The following KAZN variants were observed in gnomAD, a reference collection of about 807,000 sequenced individuals.
KAZN encodes kazrin, periplakin interacting protein, also known as kazrin.
In KAZN, 40 loss-of-function variants were observed where a neutral mutation model predicts 87.4. That is an observed-to-expected ratio of 0.46 (90% CI 0.36 to 0.60). The LOEUF (loss-of-function observed/expected upper bound fraction) is 0.60. KAZN is among the 20% of genes least tolerant of loss of function. KAZN has a pLI of 0.00. For missense variants in KAZN, 898 were observed against 1,073.9 expected, an observed-to-expected ratio of 0.84 and a Z score of 2.29; for synonymous variants, 466 against 458.3, an observed-to-expected ratio of 1.02 and a Z score of -0.22.
In KAZN at chr1:14,664,740, G is replaced by A. The variant is rs545636734; in HGVS notation, c.226+65517G>A. On this transcript the variant is annotated intron_variant, in intron 1 of 14. Coordinates refer to ENST00000376030, the MANE Select transcript of KAZN (RefSeq NM_201628.3). ...GTGATCTCGGCTCACTGCAAGCTCC[G>A]CCTCCCAGGTTCACGGTATTCTCCT... is the stretch of plus-strand genomic sequence containing the variant. Among the ~76,000 whole-genome samples the A allele has an allele frequency of 1.2e-4, 17 of 143,832 alleles. No individual in the cohort carries two copies. In the South Asian group the frequency reaches 2.0e-3, roughly 17 times the overall value. The allele number at this position is 143,832 out of a possible 152,430, so 94.4% of individuals were successfully genotyped here. A position where few individuals can be genotyped will look rare whatever the true frequency, so the allele number is the denominator to read the frequency against.
chr1:14,181,248 G>C (rs1646191727), intron 2 of KAZN, among the ~76,000 whole-genome samples: 1 of 152,220 alleles, frequency 6.6e-6, no homozygotes, highest in South Asian at 2.1e-4. Flanking sequence ...AACTGAGCTA[G>C]ATCTAATTGT....
intron 8 of KAZN, among the ~76,000 whole-genome samples, chr1:15,069,378 A>C: frequency 6.6e-6 from 1 of 152,354 alleles, no homozygotes; most frequent in African/African-American, 2.4e-5. Flanking sequence ...ACTTTGGCCC[A>C]GAGAGGAATG....
chr1:14,324,138 T>C (rs1246513432), intron 2 of KAZN, among the ~76,000 whole-genome samples: 1 of 152,208 alleles, frequency 6.6e-6, no homozygotes, highest in East Asian at 1.9e-4. Flanking sequence ...CCTCCCACTG[T>C]AACCACAGGT....
intron 2 of KAZN, among the ~76,000 whole-genome samples, chr1:14,199,794 T>TC (rs1176460339): frequency 6.6e-6 from 1 of 152,176 alleles, no homozygotes; most frequent in Non-Finnish European, 1.5e-5. Flanking sequence ...TAGCATTTTT[T>TC]CCCTCTGCTT....
intron 1 of KAZN, among the ~76,000 whole-genome samples, chr1:13,944,233 G>A (rs1442247043): frequency 1.3e-5 from 2 of 152,228 alleles, no homozygotes; most frequent in African/African-American, 2.4e-5. Flanking sequence ...ATAGATGAAC[G>A]TTGAAAATAG....
intron 1 of KAZN, among the ~76,000 whole-genome samples, chr1:14,149,032 AGCCT>A (rs1168671093): frequency 6.7e-6 from 1 of 149,118 alleles, no homozygotes; most frequent in African/African-American, 2.5e-5. Flanking sequence ...TTCCACATAC[AGCCT>A]GCCTGCCTGC....
At position 14,883,346 on chromosome 1, in the gene KAZN, G is replaced by GAGAGAGAGAA. The variant is rs1557586213; in HGVS notation, c.227-77337_227-77336insGAGAGAGAAA. 9.2e-5 allele frequency among the ~76,000 whole-genome samples: 3 copies of GAGAGAGAGAA among 32,490 alleles called. 1 individual carries two copies. The highest frequency in any genetic ancestry group is 2.8e-4 in the African/African-American group (3 of 10,532). The allele number at this position is 32,490 out of a possible 152,430, so 21.3% of individuals were successfully genotyped here. The stretch of plus-strand genomic sequence containing the variant: ...AGAGAGAGAGAGAGAGAGAGAGAAA[G>GAGAGAGAGAA]AAAGAAAGAAAAGAAAGAAAGAAAG... On this transcript the variant is annotated intron_variant, in intron 1 of 14. Transcript: ENST00000376030.
At chr1:14,252,880 C>A (rs1303706169) in intron 2 of KAZN, among the ~76,000 whole-genome samples, 1 of 152,096 alleles carries the variant, frequency 6.6e-6, no homozygotes, top group Non-Finnish European at 1.5e-5. Flanking sequence ...TTCCAGGCCC[C>A]TTCCACTGTG....
intron 8 of KAZN, among the ~76,000 whole-genome samples, chr1:15,078,256 T>C (rs1489788723): frequency 6.6e-6 from 1 of 151,806 alleles, no homozygotes; most frequent in African/African-American, 2.4e-5. Context: ...AATACAAAAA[T>C]TAGCTGGGCA....
chr1:14,477,041 C>G (rs1571745078), intron 2 of KAZN, among the ~76,000 whole-genome samples: 1 of 152,130 alleles, frequency 6.6e-6, no homozygotes, highest in South Asian at 2.1e-4. Flanking sequence ...AATATCTCAC[C>G]CATTGATATG....
intron 1 of KAZN, among the ~76,000 whole-genome samples, chr1:14,129,539 C>T (rs548300709): frequency 2.0e-5 from 3 of 152,330 alleles, no homozygotes; most frequent in South Asian, 2.1e-4. Context: ...GAGGGATGGG[C>T]TCCTGGTTGG....
intron 1 of KAZN, among the ~76,000 whole-genome samples, chr1:14,912,025 A>T (rs1657304852): frequency 6.6e-6 from 1 of 151,196 alleles, no homozygotes; most frequent in South Asian, 2.1e-4. Flanking sequence ...GGTGACGGGC[A>T]CCTGTAATCC....
intron 1 of KAZN, among the ~76,000 whole-genome samples, chr1:14,786,669 G>A (rs188897961): frequency 1.1e-4 from 17 of 152,138 alleles, no homozygotes; most frequent in Admixed American, 7.9e-4. Flanking sequence ...TCTCTTTCCC[G>A]ACTCACTGAA....
In KAZN at chr1:14,534,336, T is replaced by C. The variant is rs572776803; in HGVS notation, c.250-64647T>C. 2.6e-5 allele frequency among the ~76,000 whole-genome samples: 4 copies of C among 152,308 alleles called. No homozygotes were observed. The South Asian group carries it at 8.3e-4, about 32-fold the overall frequency. On this transcript the variant is annotated intron_variant, in intron 2 of 16. Transcript: ENST00000636203. Reference sequence around the variant, plus strand: ...TTCAACTCCAAATGCATGTGATTCTTGAAACATCCATTAAAGCTGTAGCAC... The same window carrying C: ...TTCAACTCCAAATGCATGTGATTCTCGAAACATCCATTAAAGCTGTAGCAC...
Position 14,439,951 on chromosome 1 carries a change from T to C in KAZN, c.250-159032T>C, listed in dbSNP as rs113897253. On this transcript the variant is annotated intron_variant, in intron 2 of 16. Transcript: ENST00000636203. ...CTTCAGCGCTTGCCTTTTCAGTTCATCCCAACCACGTCCCACCCCCATCTA... is the reference window on the plus strand; with the variant it reads ...CTTCAGCGCTTGCCTTTTCAGTTCACCCCAACCACGTCCCACCCCCATCTA... Among the ~76,000 whole-genome samples the C allele has an allele frequency of 6.1e-3, 933 of 152,256 alleles. 7 individuals are homozygous for C. Among genetic ancestry groups the C allele is most frequent in the Middle Eastern group, 0.01 (3 of 294 alleles).
At chr1:14,786,450 G>T (rs559497867) in intron 1 of KAZN, among the ~76,000 whole-genome samples, 2 of 152,106 alleles carry the variant, frequency 1.3e-5, no homozygotes, top group African/African-American at 4.8e-5. Context: ...TTCCTCAATC[G>T]TACGTCCTTT....
intron 2 of KAZN, among the ~76,000 whole-genome samples, chr1:14,423,181 G>A (rs57119017): frequency 1.9e-3 from 295 of 152,270 alleles, no homozygotes; most frequent in African/African-American, 6.7e-3. Flanking sequence ...ACATTGTCTT[G>A]ATGACAAGGC....
chr1:14,579,635 TA>T (rs1187739247), intron 2 of KAZN, among the ~76,000 whole-genome samples: 535 of 124,228 alleles, frequency 4.3e-3, no homozygotes, highest in Admixed American at 3.7e-3. Context: ...AAAAAAAAAT[TA>T]AAAAAAAAAA....
At chr1:14,858,209 C>CTTTTTTTTT (rs762613728) in intron 1 of KAZN, among the ~76,000 whole-genome samples, 6,130 of 114,254 alleles carry the variant, frequency 0.054, 796 homozygotes, top group Non-Finnish European at 0.074. Flanking sequence ...TTTTCTTTTT[C>CTTTTTTTTT]TTTTCTTTTT....
Sources: allele counts gnomAD v4.1 joint callset (sites outside exome capture counted in the v4.1 genomes callset), GRCh38; gene constraint gnomAD v4.1.1; transcripts MANE v1.5; gene names NCBI Gene and HGNC (gene_info 2026-07-23, HGNC 2026-07-21).